The following GRIA2 variants were observed in gnomAD, a reference collection of about 807,000 sequenced individuals.
The protein encoded by GRIA2 is glutamate receptor 2.
GRIA2 carries 14 observed loss-of-function variants against 97.3 expected under a neutral mutation model. The observed-to-expected ratio is 0.14, with a 90% CI of 0.10 to 0.23. The LOEUF (loss-of-function observed/expected upper bound fraction) is 0.23. GRIA2 is among the 10% of genes least tolerant of loss of function. The pLI, the probability that GRIA2 is intolerant of heterozygous loss-of-function variation, is 1.00. For synonymous variants in GRIA2, 412 were observed against 387.8 expected (o/e 1.06, Z -0.73); for missense variants, 558 against 1,069.8 (o/e 0.52, Z 6.67).
intron 5 of GRIA2, among the ~76,000 whole-genome samples, chr4:157,319,169 G>C (rs1734447750): frequency 6.6e-6 from 1 of 152,152 alleles, no homozygotes; most frequent in Non-Finnish European, 1.5e-5. Context: ...ATGAAGCTCT[G>C]TATTCAGTCT....
chr4:157,297,210 T>C (rs1034568326), intron 2 of GRIA2, among the ~76,000 whole-genome samples: 5 of 152,104 alleles, frequency 3.3e-5, no homozygotes, highest in African/African-American at 1.2e-4. Context: ...AGAGGTCTAA[T>C]GGGCAATATT....
Position 157,363,057 on chromosome 4 carries a change from A to C in GRIA2, c.*3+10A>C. The C allele has an allele frequency of 3.1e-6, 5 of 1,601,536 alleles. No individual in the cohort carries two copies. Among genetic ancestry groups the C allele is most frequent in the Non-Finnish European group, 4.3e-6 (5 of 1,173,128 alleles). On this transcript the variant is annotated intron_variant, in intron 15 of 15. Coordinates refer to ENST00000264426, the MANE Select transcript of GRIA2 (RefSeq NM_001083619.3). ...TGTTAAAATTTAGGGGGTAGGAACG[A>C]GGCTCTAATACAAACTTTTTAGTGC...
At chr4:157,263,596 C>CT (rs1266882249) in intron 2 of GRIA2, among the ~76,000 whole-genome samples, 1 of 151,932 alleles carries the variant, frequency 6.6e-6, no homozygotes, top group Non-Finnish European at 1.5e-5. Context: ...CATATAAATG[C>CT]ACCACAACAG....
rs1561013228 is a variant in GRIA2, at chr4:157,256,233, A to AAC, written c.229+34427_229+34428insCA. Among the ~76,000 whole-genome samples, 471 of 124,482 alleles carry AAC rather than the reference A, an allele frequency of 3.8e-3. 12 individuals carry two copies. Among genetic ancestry groups the AAC allele is most frequent in the Non-Finnish European group, 5.7e-3 (337 of 59,610 alleles). The allele number at this position is 124,482 out of a possible 152,430, so 81.7% of individuals were successfully genotyped here. On this transcript the variant is annotated intron_variant, in intron 2 of 15. Coordinates refer to ENST00000264426, the MANE Select transcript of GRIA2 (RefSeq NM_001083619.3). ...ATGTTATATATAATATATAATATAT[A>AAC]ATATATATATATAATATATAAATTA... is the stretch of plus-strand genomic sequence containing the variant.
intron 11 of GRIA2, among the ~76,000 whole-genome samples, chr4:157,337,876 T>A (rs1009660903): frequency 6.6e-6 from 1 of 151,012 alleles, no homozygotes; most frequent in African/African-American, 2.4e-5. Flanking sequence ...AAAAATTACA[T>A]TTTTATGAAT....
chr4:157,323,130 T>C (rs938286825), intron 6 of GRIA2, among the ~76,000 whole-genome samples: 2 of 151,620 alleles, frequency 1.3e-5, no homozygotes, highest in African/African-American at 2.4e-5. Context: ...GGTCAGGAGA[T>C]CGAGACCATC....
intron 5 of GRIA2, 78 bp downstream of exon 5, chr4:157,317,789 T>A: frequency 1.5e-6 from 1 of 649,330 alleles, no homozygotes. Flanking sequence ...TGGCCAGCAT[T>A]TATCAGTGGT....
At chr4:157,236,393 G>A (rs918508356) in intron 2 of GRIA2, among the ~76,000 whole-genome samples, 1 of 151,952 alleles carries the variant, frequency 6.6e-6, no homozygotes, top group African/African-American at 2.4e-5. Flanking sequence ...TATCTTGATT[G>A]TTTTCTTCTT....
intron 12 of GRIA2, among the ~76,000 whole-genome samples, chr4:157,358,548 TTTAGAG>T (rs1286038401): frequency 2.0e-5 from 3 of 152,184 alleles, no homozygotes; most frequent in African/African-American, 7.2e-5. Context: ...TTGACATATC[TTTAGAG>T]TTAAAGTGCC....
intron 12 of GRIA2, chr4:157,342,232 T>G (rs1425411316): frequency 1.4e-5 from 14 of 983,184 alleles, no homozygotes; most frequent in Non-Finnish European, 1.7e-5. Flanking sequence ...CGAATATATC[T>G]GAGTTTCAGT....
rs116822393 is a variant in GRIA2, at chr4:157,283,347, T to A, written c.230-20205T>A. The stretch of plus-strand genomic sequence containing the variant: ...ATTCTATCTTTCCAGAAGGGGCGTA[T>A]CTCCTAGCTGAATAATCTGAGGCTG... On this transcript the variant is annotated intron_variant, in intron 2 of 15. Coordinates refer to ENST00000264426, the MANE Select transcript of GRIA2 (RefSeq NM_001083619.3). Among the ~76,000 whole-genome samples the A allele has an allele frequency of 4.9e-3, 746 of 152,020 alleles. 8 individuals carry two copies. Among genetic ancestry groups the A allele is most frequent in the African/African-American group, 0.016 (659 of 41,502 alleles).
chr4:157,228,709 G>A (rs1729858818), intron 2 of GRIA2, among the ~76,000 whole-genome samples: 1 of 139,172 alleles, frequency 7.2e-6, no homozygotes, highest in Admixed American at 7.9e-5. Flanking sequence ...AGTAGGATCG[G>A]TTGAACCCAT....
rs889221818 is a variant in GRIA2, at chr4:157,334,350, A to G, written c.1266+230A>G. On this transcript the variant is annotated intron_variant, in intron 9 of 15. Transcript: ENST00000264426. ...GCTACAGTTTACACAGATAATTCCTACCCTGGTGCTTACATCGGTGAACAA... is the reference window on the plus strand; with the variant it reads ...GCTACAGTTTACACAGATAATTCCTGCCCTGGTGCTTACATCGGTGAACAA... 1.2e-5 allele frequency: 5 copies of G among 416,192 alleles called. No homozygotes were observed. The Admixed American group carries it at 1.4e-4, about 12-fold the overall frequency. 25.8% of individuals were successfully genotyped at this position (416,192 alleles called of 1,614,324 possible).
chr4:157,295,497 G>A (rs1204133187), intron 2 of GRIA2, among the ~76,000 whole-genome samples: 1 of 152,028 alleles, frequency 6.6e-6, no homozygotes, highest in Non-Finnish European at 1.5e-5. Context: ...GCTATATATT[G>A]AGTGTCTGTG....
In GRIA2 at chr4:157,364,984, T is replaced by A. The variant is rs1736820324; in HGVS notation, c.*1553T>A. On this transcript the variant is annotated 3_prime_UTR_variant, in exon 16 of 16. Transcript: ENST00000264426. ...CTTCATAAAATACCTCTTATTTCCA[T>A]TAAAGCCCCCCAAGTTTAATTAATT... 1 of 151,642 alleles carries A rather than the reference T, an allele frequency of 6.6e-6. No homozygotes were observed. Among genetic ancestry groups the A allele is most frequent in the African/African-American group, 2.4e-5 (1 of 41,400 alleles). 9.4% of individuals were successfully genotyped at this position (151,642 alleles called of 1,614,324 possible).
At chr4:157,224,169 G>C (rs1729640064) in intron 2 of GRIA2, among the ~76,000 whole-genome samples, 1 of 152,058 alleles carries the variant, frequency 6.6e-6, no homozygotes. Flanking sequence ...CCCTCCTCAG[G>C]AAGTGAAGCT....
rs752525141 is a variant in GRIA2 at position 157,362,926 on chromosome 4, G to A, written c.2534G>A (p.Arg845Gln). ...TACAAGTCAAGGGCCGAGGCGAAACGAATGAAGGTGGCAAAGAATGCACAG... is the reference window on the plus strand; with the variant it reads ...TACAAGTCAAGGGCCGAGGCGAAACAAATGAAGGTGGCAAAGAATGCACAG... ...FCYKSRAEAK[R>Q]MKVAKNAQNI... Residue 845 changes from arginine to glutamine, a missense_variant, in exon 15 of 16, where the codon CGA (arginine) becomes CAA (glutamine). Physicochemically the swap from Arg to Gln is conservative, Grantham distance 43 (BLOSUM62 1). Around this residue, in one of 8 missense-constraint regions of GRIA2, gnomAD observed 54 missense variants for 82.1 expected, o/e 0.66. Transcript: ENST00000264426. 5.0e-6 allele frequency: 8 copies of A among 1,613,482 alleles called. No homozygotes were observed. Among genetic ancestry groups the A allele is most frequent in the South Asian group, 2.2e-5 (2 of 91,074 alleles).
intron 2 of GRIA2, among the ~76,000 whole-genome samples, chr4:157,245,037 T>C (rs916665550): frequency 6.6e-6 from 1 of 152,102 alleles, no homozygotes; most frequent in African/African-American, 2.4e-5. Flanking sequence ...TAGCAGATTG[T>C]CATTTCTAAA....
chr4:157,358,501 A>AGTAATAGATTTAACAGTGGTTTACTG (rs1736492053), intron 12 of GRIA2, among the ~76,000 whole-genome samples: 4 of 152,154 alleles, frequency 2.6e-5, no homozygotes, highest in African/African-American at 9.6e-5. Context: ...GGTTTACTTA[A>AGTAATAGATTTAACAGTGGTTTACTG]TTAGGTGAGA....
Sources: gnomAD v4.1 joint callset for allele counts (sites outside exome capture counted in the v4.1 genomes callset) on GRCh38, gnomAD v4.1.1 for gene constraint, gnomAD v4.1.1 regional missense constraint, MANE v1.5 for transcripts, NCBI Gene and HGNC (gene_info 2026-07-23, HGNC 2026-07-21) for gene names.